Variants in NELL2 observed in about 807,000 individuals in gnomAD.
NELL2 encodes protein kinase C-binding protein NELL2.
NELL2 carries 41 observed loss-of-function variants against 109.6 expected under a neutral mutation model. That is an observed-to-expected ratio of 0.37 (90% CI 0.29 to 0.49). NELL2 has a LOEUF of 0.49. Ranked by LOEUF, NELL2 falls within the 20% of genes least tolerant of loss-of-function variation. The probability of loss-of-function intolerance (pLI) is 0.98; values close to 1 mark genes in which losing one functional copy is unlikely to be tolerated. For synonymous variants in NELL2, 355 were observed against 344.7 expected (o/e 1.03, Z -0.33); for missense variants, 900 against 1,008.3 (o/e 0.89, Z 1.45).
At chr12:44,696,551 G>A (rs1381127945) in intron 12 of NELL2, among the ~76,000 whole-genome samples, 1 of 152,164 alleles carries the variant, frequency 6.6e-6, no homozygotes, top group African/African-American at 2.4e-5. Flanking sequence ...TGAATGTTAT[G>A]AATGAACAAA....
At chr12:44,794,582 C>T (rs1942552706) in intron 3 of NELL2, among the ~76,000 whole-genome samples, 1 of 152,114 alleles carries the variant, frequency 6.6e-6, no homozygotes, top group Non-Finnish European at 1.5e-5. Context: ...CTCGTTATTT[C>T]CTAGCTCTAA....
In NELL2 at chr12:44,875,206, T is replaced by A; in HGVS notation, c.184+19A>T. On this transcript the variant is annotated intron_variant, in intron 2 of 19. Coordinates refer to ENST00000429094, the MANE Select transcript of NELL2 (RefSeq NM_001145108.2). Reference sequence around the variant, plus strand: ...ATCGGAACTGAAATCACAGTGGGGATGCAGCACGCCGGGCATACCTTGAAA... The same window carrying A: ...ATCGGAACTGAAATCACAGTGGGGAAGCAGCACGCCGGGCATACCTTGAAA... 1 of 1,603,672 alleles carries A rather than the reference T, an allele frequency of 6.2e-7. No individual in the cohort carries two copies. The highest frequency in any genetic ancestry group is 8.5e-7 in the Non-Finnish European group (1 of 1,172,878).
intron 15 of NELL2, among the ~76,000 whole-genome samples, chr12:44,601,555 T>C (rs1296894628): frequency 6.6e-6 from 1 of 152,162 alleles, no homozygotes; most frequent in African/African-American, 2.4e-5. Context: ...TAGAATCCTT[T>C]ATTGCTCTTA....
chr12:44,638,541 A>G (rs1436814264), intron 13 of NELL2, among the ~76,000 whole-genome samples: 4 of 152,154 alleles, frequency 2.6e-5, no homozygotes, highest in Non-Finnish European at 5.9e-5. Context: ...AAACCTTAAG[A>G]AAGAGCTGAG....
upstream of NELL2, among the ~76,000 whole-genome samples, chr12:44,915,509 T>C (rs1945822195): frequency 6.6e-6 from 1 of 152,210 alleles, no homozygotes; most frequent in Admixed American, 6.5e-5. Context: ...ATGCATGCAA[T>C]ATATTGTTTC....
At chr12:44,898,685 A>G (rs1393225517) in intron 1 of NELL2, among the ~76,000 whole-genome samples, 1 of 152,232 alleles carries the variant, frequency 6.6e-6, no homozygotes, top group Non-Finnish European at 1.5e-5. Flanking sequence ...TCCAAAAACC[A>G]GAAGGCCTCT....
chr12:44,901,481 C>A (rs550374963), intron 1 of NELL2, among the ~76,000 whole-genome samples: 1 of 152,308 alleles, frequency 6.6e-6, no homozygotes, highest in South Asian at 2.1e-4. Flanking sequence ...CAAAAAGGAG[C>A]TGGTACCATT....
At chr12:44,880,507 C>T (rs958098618), upstream of NELL2, among the ~76,000 whole-genome samples, 7 of 151,854 alleles carry the variant, frequency 4.6e-5, no homozygotes, top group East Asian at 1.9e-4. Flanking sequence ...ATAAACAAAA[C>T]ATGAATGTTA....
At chr12:44,765,835 T>C (rs1003563525) in intron 9 of NELL2, among the ~76,000 whole-genome samples, 1 of 151,956 alleles carries the variant, frequency 6.6e-6, no homozygotes, top group Non-Finnish European at 1.5e-5. Flanking sequence ...CTGAAATGAG[T>C]CTGAATTGGC....
chr12:44,623,098 G>A (rs1450623344), intron 13 of NELL2, among the ~76,000 whole-genome samples: 1 of 152,006 alleles, frequency 6.6e-6, no homozygotes, highest in African/African-American at 2.4e-5. Context: ...ACGTGTTAAG[G>A]TCTCCTGTGC....
intron 3 of NELL2, among the ~76,000 whole-genome samples, chr12:44,791,097 G>GTATATA (rs371450408): frequency 1.0e-4 from 4 of 38,486 alleles, no homozygotes; most frequent in Admixed American, 3.6e-4. Flanking sequence ...ATATATATAT[G>GTATATA]TATATATATA....
chr12:44,514,956 T>C (rs1369871308), intron 19 of NELL2, among the ~76,000 whole-genome samples: 3 of 151,006 alleles, frequency 2.0e-5, no homozygotes, highest in African/African-American at 4.8e-5. Flanking sequence ...ATATATATTA[T>C]AATCCGTAGG....
At chr12:44,772,270 T>TAC (rs374467326) in intron 9 of NELL2, among the ~76,000 whole-genome samples, 166 of 152,138 alleles carry the variant, frequency 1.1e-3, no homozygotes, top group African/African-American at 3.8e-3. Flanking sequence ...GCAATGGTGA[T>TAC]ACACACACAC....
At chr12:44,647,453 A>G (rs925221211) in intron 13 of NELL2, among the ~76,000 whole-genome samples, 4 of 152,210 alleles carry the variant, frequency 2.6e-5, no homozygotes, top group African/African-American at 9.6e-5. Context: ...CTGCATAGAG[A>G]TGAAAAAGAC....
intron 15 of NELL2, among the ~76,000 whole-genome samples, chr12:44,585,616 C>T (rs570591926): frequency 6.6e-6 from 1 of 152,154 alleles, no homozygotes; most frequent in East Asian, 1.9e-4. Flanking sequence ...GATTGAAAGA[C>T]CTCCATCTTG....
chr12:44,675,071 C>T (rs1948261013), intron 12 of NELL2, among the ~76,000 whole-genome samples: 1 of 152,112 alleles, frequency 6.6e-6, no homozygotes. Context: ...ATGTGAAGCT[C>T]AACGTGGCAG....
intron 12 of NELL2, among the ~76,000 whole-genome samples, chr12:44,700,369 T>C (rs943982234): frequency 6.6e-6 from 1 of 152,190 alleles, no homozygotes; most frequent in African/African-American, 2.4e-5. Context: ...ACTTCTCATC[T>C]TAAAATCTTT....
At chr12:44,914,111 T>C (rs756861521), upstream of NELL2, 24 of 180,386 alleles carry the variant, frequency 1.3e-4, no homozygotes, top group Non-Finnish European at 2.4e-4. Flanking sequence ...TTCCCTTCAG[T>C]CTATCCTCAA....
At chr12:44,516,483 A>T (rs1941261545) in intron 19 of NELL2, among the ~76,000 whole-genome samples, 1 of 152,218 alleles carries the variant, frequency 6.6e-6, no homozygotes, top group Admixed American at 6.5e-5. Context: ...AGCATTAGAA[A>T]TTATTAGGAG....
Sources: gnomAD v4.1 joint callset for allele counts (sites outside exome capture counted in the v4.1 genomes callset) on GRCh38, gnomAD v4.1.1 for gene constraint, MANE v1.5 for transcripts, NCBI Gene and HGNC (gene_info 2026-07-23, HGNC 2026-07-21) for gene names.